PLXDC2: variants seen among roughly 807,000 people sequenced by gnomAD.
The protein encoded by PLXDC2 is plexin domain-containing protein 2.
Under a neutral mutation model 68.9 loss-of-function variants are expected in PLXDC2, and 40 were observed. That is an observed-to-expected ratio of 0.58 (90% CI 0.45 to 0.76). The LOEUF is 0.76. PLXDC2 is among the 30% of genes least tolerant of loss of function. The pLI is 0.00. For synonymous variants in PLXDC2, 243 were observed against 234.2 expected (o/e 1.04, Z -0.34); for missense variants, 644 against 661.9 (o/e 0.97, Z 0.30).
At chr10:20,198,767 G>T (rs1238373359) in intron 9 of PLXDC2, among the ~76,000 whole-genome samples, 1 of 152,060 alleles carries the variant, frequency 6.6e-6, no homozygotes, top group African/African-American at 2.4e-5. Flanking sequence ...ACATAATCCA[G>T]CTGTAAGTTG....
rs1836367469 is a variant in PLXDC2, at chr10:19,817,178, A to G, written c.99A>G (p.Gly33=). The change falls in exon 1 of 14, where the codon GGA becomes GGG. Residue 33 remains glycine (G), a synonymous_variant. Transcript: ENST00000377252. ...DQFQFADGKP[G]DQILDWQYGV... is the part of the protein sequence containing the mutation. ...TTCAGTTCGCCGATGGGAAACCCGG[A>G]GACCAAATCCTTGGTAAGTAAGATG... 1 of 1,569,584 alleles carries G rather than the reference A, an allele frequency of 6.4e-7. No homozygotes were observed. Among genetic ancestry groups the G allele is most frequent in the African/African-American group, 1.4e-5 (1 of 73,598 alleles).
At position 19,859,041 on chromosome 10, in the gene PLXDC2, A is replaced by C. The variant is rs570437964; in HGVS notation, c.112+41850A>C. On this transcript the variant is annotated intron_variant, in intron 1 of 13. Transcript: ENST00000377252. ...CAGCGAGAGAGAGAGAGAGAGAGAG[A>C]GAGAGAGCGAGGGAGAGAGGAGGAG... Among the ~76,000 whole-genome samples the C allele has an allele frequency of 1.4e-3, 209 of 151,632 alleles. 1 individual carries two copies. The highest frequency in any genetic ancestry group is 4.8e-3 in the African/African-American group (199 of 41,320).
At chr10:20,176,507 G>A (rs962957135) in intron 7 of PLXDC2, among the ~76,000 whole-genome samples, 2 of 151,958 alleles carry the variant, frequency 1.3e-5, no homozygotes, top group Non-Finnish European at 2.9e-5. Context: ...ATGGAAGAAT[G>A]ATTTAACTTC....
At chr10:20,224,227 G>C (rs1835256832) in intron 12 of PLXDC2, among the ~76,000 whole-genome samples, 1 of 152,024 alleles carries the variant, frequency 6.6e-6, no homozygotes, top group Non-Finnish European at 1.5e-5. Context: ...ACCCATCTCG[G>C]CCTCCCAAAG....
chr10:19,884,222 T>C (rs542848211), intron 1 of PLXDC2, among the ~76,000 whole-genome samples: 2 of 152,058 alleles, frequency 1.3e-5, no homozygotes, highest in Non-Finnish European at 2.9e-5. Context: ...TATTGAGGAC[T>C]TATTAATAAT....
At chr10:20,195,931 C>T (rs1172629094) in intron 9 of PLXDC2, among the ~76,000 whole-genome samples, 1 of 152,114 alleles carries the variant, frequency 6.6e-6, no homozygotes, top group East Asian at 1.9e-4. Context: ...CAAGATGTTA[C>T]GTTCCTTTGT....
chr10:19,993,470 A>G (rs1370751749), intron 1 of PLXDC2, among the ~76,000 whole-genome samples: 3 of 152,120 alleles, frequency 2.0e-5, no homozygotes, highest in Non-Finnish European at 1.5e-5. Context: ...CCATGGCTGG[A>G]GTGCAGTGGT....
intron 4 of PLXDC2, among the ~76,000 whole-genome samples, chr10:20,125,861 T>C (rs183694160): frequency 3.3e-5 from 5 of 151,912 alleles, no homozygotes; most frequent in African/African-American, 7.2e-5. Flanking sequence ...GTCATACAAC[T>C]TGTAAGACGG....
At chr10:20,201,439 A>G (rs900197100) in intron 9 of PLXDC2, among the ~76,000 whole-genome samples, 1 of 152,044 alleles carries the variant, frequency 6.6e-6, no homozygotes, top group Admixed American at 6.6e-5. Flanking sequence ...GTTAAAGGAT[A>G]TAAATTATAG....
intron 4 of PLXDC2, among the ~76,000 whole-genome samples, chr10:20,135,517 T>G (rs1186117336): frequency 6.6e-6 from 1 of 152,188 alleles, no homozygotes; most frequent in African/African-American, 2.4e-5. Context: ...AATTTTGTTG[T>G]TAGTTCAAAG....
At chr10:20,198,943 A>C (rs139295741) in intron 9 of PLXDC2, among the ~76,000 whole-genome samples, 1 of 152,064 alleles carries the variant, frequency 6.6e-6, no homozygotes, top group African/African-American at 2.4e-5. Flanking sequence ...TTATGTTTCT[A>C]ACTCAAAGGG....
chr10:20,139,388 C>G (rs1833972229), intron 4 of PLXDC2, among the ~76,000 whole-genome samples: 1 of 152,196 alleles, frequency 6.6e-6, no homozygotes, highest in Non-Finnish European at 1.5e-5. Context: ...CACTTTTCTG[C>G]AAAGGCAGAT....
intron 1 of PLXDC2, among the ~76,000 whole-genome samples, chr10:19,831,821 C>T (rs77707695): frequency 0.013 from 1,988 of 152,264 alleles, 45 homozygotes; most frequent in African/African-American, 0.041. Flanking sequence ...TTCATTCAGT[C>T]CATCACTGAT....
At chr10:19,954,354 T>C (rs1480511587) in intron 1 of PLXDC2, among the ~76,000 whole-genome samples, 2 of 152,238 alleles carry the variant, frequency 1.3e-5, no homozygotes, top group Non-Finnish European at 2.9e-5. Flanking sequence ...AATTGGCAGC[T>C]AACGTAATTG....
intron 2 of PLXDC2, among the ~76,000 whole-genome samples, chr10:20,017,270 G>T (rs993749527): frequency 1.3e-5 from 2 of 152,112 alleles, no homozygotes; most frequent in African/African-American, 2.4e-5. Flanking sequence ...AGGGGCCACT[G>T]GGCAGCTAAG....
rs557426927 is a variant in PLXDC2, at chr10:19,922,375, A to G, written c.113-79400A>G. 3.9e-5 allele frequency among the ~76,000 whole-genome samples: 6 copies of G among 152,310 alleles called. No homozygotes were observed. The East Asian group carries it at 1.2e-3, about 29-fold the overall frequency. ...TAGGGTTATGTGTGTGTGTTGGTGT[A>G]GAGAGGCAGTGAGACACACATCAGT... On this transcript the variant is annotated intron_variant, in intron 1 of 13. Coordinates refer to ENST00000377252, the MANE Select transcript of PLXDC2 (RefSeq NM_032812.9).
chr10:20,031,666 G>T (rs1307362707), intron 2 of PLXDC2, among the ~76,000 whole-genome samples: 1 of 152,028 alleles, frequency 6.6e-6, no homozygotes, highest in Non-Finnish European at 1.5e-5. Flanking sequence ...TCTAGGAGGT[G>T]ACAAAGCCAA....
Position 19,862,672 on chromosome 10 carries a change from G to A in PLXDC2, c.112+45481G>A, listed in dbSNP as rs78553284. Among the ~76,000 whole-genome samples, 14 of 152,314 alleles carry A rather than the reference G, an allele frequency of 9.2e-5. No homozygotes were observed. In the East Asian group the frequency reaches 2.7e-3, roughly 29 times the overall value. ...ATTACCTACACTACACAACAAGTAT[G>A]CAACAGCTACTCATTTTTCTTTTCT... On this transcript the variant is annotated intron_variant, in intron 1 of 13. Transcript: ENST00000377252.
At chr10:20,123,604 G>T (rs1833729396) in intron 4 of PLXDC2, among the ~76,000 whole-genome samples, 2 of 152,008 alleles carry the variant, frequency 1.3e-5, no homozygotes, top group Non-Finnish European at 2.9e-5. Flanking sequence ...CACAGGCTAA[G>T]GGAGAAGAAG....
Sources: gnomAD v4.1 joint callset for allele counts (sites outside exome capture counted in the v4.1 genomes callset) on GRCh38, gnomAD v4.1.1 for gene constraint, MANE v1.5 for transcripts, NCBI Gene and HGNC (gene_info 2026-07-23, HGNC 2026-07-21) for gene names.